The following SOX5 variants were observed in gnomAD, a reference collection of about 807,000 sequenced individuals.
The protein encoded by SOX5 is transcription factor SOX-5.
A neutral mutation model predicts 92.0 loss-of-function variants in SOX5; 9 were observed. The ratio of observed to expected loss-of-function variants is 0.10; its 90% CI spans 0.06 to 0.17. The LOEUF (loss-of-function observed/expected upper bound fraction) is 0.17, where lower values mean the gene tolerates loss of function less well. SOX5 is among the 10% of genes least tolerant of loss of function. The pLI is 1.00. For missense variants in SOX5, 642 were observed against 944.5 expected, an observed-to-expected ratio of 0.68 and a Z score of 4.20; for synonymous variants, 344 against 336.3, an observed-to-expected ratio of 1.02 and a Z score of -0.25.
chr12:23,964,443 T>C (rs1345941356), intron 4 of SOX5, among the ~76,000 whole-genome samples: 2 of 152,160 alleles, frequency 1.3e-5, no homozygotes, highest in Non-Finnish European at 2.9e-5. Flanking sequence ...TTATGCTTGT[T>C]TGAAAGATAC....
chr12:24,127,409 A>G (rs548290635), intron 4 of SOX5, among the ~76,000 whole-genome samples: 47 of 114,632 alleles, frequency 4.1e-4, no homozygotes, highest in African/African-American at 1.6e-3. Context: ...TAATAATGAT[A>G]ATAATAATAA....
At chr12:23,984,853 A>G (rs1260698294) in intron 4 of SOX5, among the ~76,000 whole-genome samples, 1 of 152,188 alleles carries the variant, frequency 6.6e-6, no homozygotes, top group Non-Finnish European at 1.5e-5. Flanking sequence ...GAAGTAATGG[A>G]CTAATAATAA....
chr12:23,806,845 G>A (rs1253241005), intron 3 of SOX5, among the ~76,000 whole-genome samples: 1 of 152,126 alleles, frequency 6.6e-6, no homozygotes, highest in Non-Finnish European at 1.5e-5. Flanking sequence ...CCTACAATAG[G>A]CAGGATCAGC....
chr12:24,260,313 C>T (rs1249609099), intron 3 of SOX5, among the ~76,000 whole-genome samples: 1 of 152,168 alleles, frequency 6.6e-6, no homozygotes, highest in Non-Finnish European at 1.5e-5. Flanking sequence ...GATCTCGTTT[C>T]CACTACCTAC....
At chr12:24,006,349 C>T (rs959512111) in intron 4 of SOX5, among the ~76,000 whole-genome samples, 3 of 152,134 alleles carry the variant, frequency 2.0e-5, no homozygotes, top group Non-Finnish European at 2.9e-5. Context: ...TGGCAAAATG[C>T]ATTTCTTCTT....
intron 4 of SOX5, among the ~76,000 whole-genome samples, chr12:24,188,588 A>G (rs1222091052): frequency 6.6e-6 from 1 of 152,204 alleles, no homozygotes; most frequent in African/African-American, 2.4e-5. Context: ...CTGGAAATCA[A>G]GTAGAAATAA....
intron 1 of SOX5, among the ~76,000 whole-genome samples, chr12:24,381,589 T>C (rs1957831073): frequency 6.6e-6 from 1 of 152,230 alleles, no homozygotes; most frequent in African/African-American, 2.4e-5. Flanking sequence ...TAGTATTCAA[T>C]GAATGCCTCC....
rs569330547 is a variant in SOX5, at chr12:24,106,740, C to T, written c.-2+106603G>A. ...CCAGGAGGCGGAGGTTGCAGTGAGC[C>T]GAGATCGTGCCACTGCACTCCAGCC... On this transcript the variant is annotated intron_variant, in intron 4 of 4. Coordinates refer to the SOX5 transcript ENST00000446891. Among the ~76,000 whole-genome samples, 220 of 150,286 alleles carry T rather than the reference C, an allele frequency of 1.5e-3. 1 individual carries two copies. The highest frequency in any genetic ancestry group is 5.2e-3 in the African/African-American group (214 of 40,932).
At chr12:24,297,579 G>A (rs1947418764) in intron 2 of SOX5, among the ~76,000 whole-genome samples, 1 of 152,150 alleles carries the variant, frequency 6.6e-6, no homozygotes, top group Admixed American at 6.5e-5. Flanking sequence ...ATCCTCCATA[G>A]CTGGCAAATG....
chr12:23,758,855 T>G (rs902651846), intron 3 of SOX5, among the ~76,000 whole-genome samples: 2 of 152,014 alleles, frequency 1.3e-5, no homozygotes, highest in Non-Finnish European at 2.9e-5. Flanking sequence ...CACTCCCTTA[T>G]TCTTCTGCTT....
chr12:24,094,310 C>T (rs1252465721), intron 4 of SOX5, among the ~76,000 whole-genome samples: 1 of 152,156 alleles, frequency 6.6e-6, no homozygotes, highest in Non-Finnish European at 1.5e-5. Flanking sequence ...CTTTATTGAA[C>T]ATTTATGTTT....
At chr12:23,960,530 C>CGT (rs1946797417) in intron 4 of SOX5, among the ~76,000 whole-genome samples, 1 of 137,136 alleles carries the variant, frequency 7.3e-6, no homozygotes, top group African/African-American at 2.9e-5. Context: ...TATATATATA[C>CGT]ATATATATAT....
rs141777547 is a variant in SOX5, at chr12:23,790,903, A to G, written c.482-35179T>C. 3.3e-3 allele frequency among the ~76,000 whole-genome samples: 500 copies of G among 152,320 alleles called. 2 individuals carry two copies. Among genetic ancestry groups the G allele is most frequent in the Non-Finnish European group, 5.2e-3 (352 of 68,020 alleles). On this transcript the variant is annotated intron_variant, in intron 3 of 14. Transcript: ENST00000451604. ...TAAGGTAGACAATTAATATTCCATT[A>G]AAACTGAGAAAATGTTGCCTACATT...
intron 3 of SOX5, among the ~76,000 whole-genome samples, chr12:23,811,323 T>C (rs2095872027): frequency 6.6e-6 from 1 of 152,144 alleles, no homozygotes; most frequent in Non-Finnish European, 1.5e-5. Context: ...ATTGCACTCA[T>C]ATTGTTTGCC....
intron 4 of SOX5, among the ~76,000 whole-genome samples, chr12:24,189,579 G>A (rs1956328202): frequency 6.6e-6 from 1 of 152,158 alleles, no homozygotes; most frequent in African/African-American, 2.4e-5. Flanking sequence ...CTCAGTGGAA[G>A]TTTGATACTG....
At chr12:23,737,570 G>C (rs560267781) in intron 5 of SOX5, among the ~76,000 whole-genome samples, 1 of 152,038 alleles carries the variant, frequency 6.6e-6, no homozygotes, top group Non-Finnish European at 1.5e-5. Flanking sequence ...GTATAGTCAT[G>C]CTAGTCATCT....
chr12:23,985,686 G>C (rs1198896471), intron 4 of SOX5, among the ~76,000 whole-genome samples: 3 of 150,642 alleles, frequency 2.0e-5, no homozygotes, highest in Admixed American at 2.0e-4. Context: ...AAGAGGAAAA[G>C]CAAAAAGGAA....
chr12:23,873,264 G>GA (rs1456862513), intron 2 of SOX5, among the ~76,000 whole-genome samples: 2 of 151,798 alleles, frequency 1.3e-5, no homozygotes, highest in Non-Finnish European at 2.9e-5. Context: ...AGGAATTCAA[G>GA]ACTGAAGACC....
intron 1 of SOX5, among the ~76,000 whole-genome samples, chr12:24,469,687 C>T (rs1338439045): frequency 6.6e-6 from 1 of 152,172 alleles, no homozygotes; most frequent in East Asian, 1.9e-4. Flanking sequence ...ATGAAGAAAT[C>T]TGGTTTTATT....
Sources: gnomAD v4.1 joint callset for allele counts (sites outside exome capture counted in the v4.1 genomes callset) on GRCh38, gnomAD v4.1.1 for gene constraint, MANE v1.5 for transcripts, NCBI Gene and HGNC (gene_info 2026-07-23, HGNC 2026-07-21) for gene names.